Variants in ARMH3 observed in about 807,000 individuals in gnomAD.
ARMH3 encodes the protein armadillo like helical domain containing 3.
A neutral mutation model predicts 99.1 loss-of-function variants in ARMH3; 60 were observed. The ratio of observed to expected loss-of-function variants is 0.61; its 90% CI spans 0.49 to 0.75. The LOEUF (loss-of-function observed/expected upper bound fraction) is 0.75, where lower values mean the gene tolerates loss of function less well. Ranked by LOEUF, ARMH3 falls within the 30% of genes least tolerant of loss-of-function variation. The probability of loss-of-function intolerance (pLI) is 0.00; values close to 1 mark genes in which losing one functional copy is unlikely to be tolerated. For synonymous variants in ARMH3, 285 were observed against 292.8 expected (o/e 0.97, Z 0.27); for missense variants, 679 against 843.1 (o/e 0.81, Z 2.41).
chr10:101,954,171 G>A (rs1399571469), intron 22 of ARMH3, among the ~76,000 whole-genome samples: 1 of 152,086 alleles, frequency 6.6e-6, no homozygotes, highest in African/African-American at 2.4e-5. Context: ...CACCATGGGT[G>A]AAAGAGAAAG....
chr10:101,949,844 A>G (rs1027224227), intron 22 of ARMH3, among the ~76,000 whole-genome samples: 16 of 152,216 alleles, frequency 1.1e-4, no homozygotes, highest in African/African-American at 2.7e-4. Context: ...ATGATGTTAT[A>G]ATCATGTGGG....
At position 101,956,764 on chromosome 10, in the gene ARMH3, T is replaced by C. The variant is rs769256788; in HGVS notation, c.1579-41A>G. The C allele has an allele frequency of 4.4e-6, 7 of 1,599,406 alleles. No individual in the cohort carries two copies. In the Admixed American group the frequency reaches 6.8e-5, roughly 15 times the overall value. On this transcript the variant is annotated intron_variant, in intron 21 of 25. Transcript: ENST00000370033. Reference sequence around the variant, plus strand: ...AGGCCCATATATAGGCATCAGGCTATGAAGACTAAAAATTATCAGTGGTAT... The same window carrying C: ...AGGCCCATATATAGGCATCAGGCTACGAAGACTAAAAATTATCAGTGGTAT...
intron 22 of ARMH3, among the ~76,000 whole-genome samples, chr10:101,945,082 T>G (rs1054581750): frequency 6.6e-6 from 1 of 152,162 alleles, no homozygotes; most frequent in African/African-American, 2.4e-5. Context: ...AGTAATTATC[T>G]GAGGGCTCTG....
At chr10:102,052,856 C>A (rs2067739863) in intron 1 of ARMH3, among the ~76,000 whole-genome samples, 1 of 152,066 alleles carries the variant, frequency 6.6e-6, no homozygotes, top group African/African-American at 2.4e-5. Context: ...CTAAGGTCTC[C>A]ATCGGTACAT....
At chr10:102,020,803 G>A (rs1453462385) in intron 8 of ARMH3, among the ~76,000 whole-genome samples, 2 of 144,252 alleles carry the variant, frequency 1.4e-5, no homozygotes, top group Non-Finnish European at 3.0e-5. Flanking sequence ...CAGTGAGATC[G>A]CACCACTGCA....
intron 14 of ARMH3, among the ~76,000 whole-genome samples, chr10:102,003,523 CTT>C (rs1451309195): frequency 1.3e-5 from 2 of 152,148 alleles, no homozygotes; most frequent in African/African-American, 4.8e-5. Flanking sequence ...ACTCAGACCT[CTT>C]GTTAAGTGCT....
chr10:101,987,409 T>C (rs1342519972), intron 19 of ARMH3, among the ~76,000 whole-genome samples: 1 of 152,204 alleles, frequency 6.6e-6, no homozygotes, highest in African/African-American at 2.4e-5. Flanking sequence ...CCAGTCAGCA[T>C]AGTCACTCTA....
chr10:101,999,263 C>G lies in ARMH3; in HGVS notation c.1150+2708G>C, dbSNP rs150867412. On this transcript the variant is annotated intron_variant, in intron 15 of 25. Coordinates refer to ENST00000370033, the MANE Select transcript of ARMH3 (RefSeq NM_024541.3). ...CTAGAGTGCAGTGGCATGATTTTGG[C>G]TCACTGCAACCTCCGCCTCCCGCAT... Among the ~76,000 whole-genome samples, 953 of 151,684 alleles carry G rather than the reference C, an allele frequency of 6.3e-3. 33 individuals carry two copies. Among genetic ancestry groups the G allele is most frequent in the Admixed American group, 0.044 (676 of 15,232 alleles).
chr10:102,002,252 C>T (rs955629410), intron 14 of ARMH3, among the ~76,000 whole-genome samples, 180 bp from the exon 15 acceptor site: 1 of 152,070 alleles, frequency 6.6e-6, no homozygotes, highest in African/African-American at 2.4e-5. Context: ...GTAGAGCCCC[C>T]TTCCTATTCC....
At chr10:101,989,903 C>CT (rs1387153369) in intron 19 of ARMH3, among the ~76,000 whole-genome samples, 1 of 152,176 alleles carries the variant, frequency 6.6e-6, no homozygotes, top group Non-Finnish European at 1.5e-5. Context: ...TAAATTCGTC[C>CT]TACCTAATGC....
At chr10:101,883,085 C>T (rs986078454) in intron 24 of ARMH3, among the ~76,000 whole-genome samples, 3 of 152,116 alleles carry the variant, frequency 2.0e-5, no homozygotes, top group Non-Finnish European at 4.4e-5. Flanking sequence ...TAATATGATG[C>T]AGCTGATAAT....
intron 18 of ARMH3, 129 bp downstream of exon 18, chr10:101,991,840 G>A (rs996281854): frequency 1.0e-6 from 1 of 972,604 alleles, no homozygotes; most frequent in African/African-American, 1.6e-5. Flanking sequence ...TGATTCTTAG[G>A]CCAGGGAAAA....
At chr10:102,041,075 CATATATATATATATAATAT>C (rs1554897210) in intron 1 of ARMH3, among the ~76,000 whole-genome samples, 1 of 132,008 alleles carries the variant, frequency 7.6e-6, no homozygotes, top group East Asian at 2.0e-4. Context: ...ATTGTGTGTA[CATATATATATATATAATAT>C]ATATATATAT....
At chr10:101,947,080 C>A (rs939018237) in intron 22 of ARMH3, among the ~76,000 whole-genome samples, 8 of 151,650 alleles carry the variant, frequency 5.3e-5, no homozygotes, top group African/African-American at 1.5e-4. Context: ...CCCAGCTACT[C>A]GGGAGGCTGA....
intron 24 of ARMH3, among the ~76,000 whole-genome samples, chr10:101,876,664 C>A (rs2067274280): frequency 6.6e-6 from 1 of 152,136 alleles, no homozygotes; most frequent in Non-Finnish European, 1.5e-5. Flanking sequence ...ACACATGTGG[C>A]CTCTGATGTT....
chr10:101,997,637 G>A (rs1847122477), intron 15 of ARMH3, among the ~76,000 whole-genome samples: 1 of 151,926 alleles, frequency 6.6e-6, no homozygotes, highest in Non-Finnish European at 1.5e-5. Flanking sequence ...AGAAGTGATT[G>A]GGGAGGGACA....
chr10:102,005,263 A>G (rs1455443885), intron 14 of ARMH3, among the ~76,000 whole-genome samples: 1 of 152,002 alleles, frequency 6.6e-6, no homozygotes, highest in Non-Finnish European at 1.5e-5. Flanking sequence ...CATGCCTGTA[A>G]TCTCAGCTAC....
chr10:101,855,775 TTA>T (rs912066360), intron 24 of ARMH3, among the ~76,000 whole-genome samples: 4 of 147,192 alleles, frequency 2.7e-5, no homozygotes, highest in African/African-American at 7.4e-5. Flanking sequence ...TATAAATATA[TTA>T]TATATATATA....
intron 8 of ARMH3, among the ~76,000 whole-genome samples, chr10:102,020,443 G>A (rs1040486682): frequency 2.6e-5 from 4 of 151,868 alleles, no homozygotes; most frequent in South Asian, 4.2e-4. Context: ...TTGGGAGGCC[G>A]AGGCGGGTGG....
Sources: allele counts gnomAD v4.1 joint callset (sites outside exome capture counted in the v4.1 genomes callset), GRCh38; gene constraint gnomAD v4.1.1; transcripts MANE v1.5; gene names NCBI Gene and HGNC (gene_info 2026-07-23, HGNC 2026-07-21).